The following RTN4 variants were observed in gnomAD, a reference collection of about 807,000 sequenced individuals.
RTN4 encodes the protein reticulon 4, also known as reticulon-4.
In RTN4, 32 loss-of-function variants were observed where a neutral mutation model predicts 90.4. The observed-to-expected ratio is 0.35, with a 90% CI of 0.27 to 0.48. The LOEUF (loss-of-function observed/expected upper bound fraction) is 0.48. RTN4 is among the 20% of genes least tolerant of loss of function. RTN4 has a pLI of 0.99. For missense variants in RTN4, 1,706 were observed against 1,430.2 expected (o/e 1.19, Z -3.11); for synonymous variants, 629 against 552.5 (o/e 1.14, Z -1.94).
chr2:55,124,014 G>T, the RTN4 span, among the ~76,000 whole-genome samples: 2 of 152,146 alleles, frequency 1.3e-5, no homozygotes, highest in South Asian at 4.1e-4. Context: ...TATTGTACTG[G>T]CCCACAGCTG....
chr2:55,102,902 TG>T (rs1443192903), intron 1 of RTN4, among the ~76,000 whole-genome samples: 1 of 151,990 alleles, frequency 6.6e-6, no homozygotes, highest in East Asian at 1.9e-4. Context: ...GCGGATCACC[TG>T]AGGTCGGGAG....
chr2:54,983,306 A>T (rs1044508356), intron 4 of RTN4, among the ~76,000 whole-genome samples: 7 of 146,594 alleles, frequency 4.8e-5, no homozygotes, highest in Non-Finnish European at 8.9e-5. Context: ...GTTAAATTTA[A>T]AAGTATTGTA....
chr2:55,066,642 C>G (rs1322774204), intron 2 of RTN4, among the ~76,000 whole-genome samples: 1 of 151,900 alleles, frequency 6.6e-6, no homozygotes, highest in East Asian at 1.9e-4. Flanking sequence ...TGCAGTGAGC[C>G]AAGATCGTGC....
At position 55,070,998 on chromosome 2, in the gene RTN4, A is replaced by C. The variant is rs924738084; in HGVS notation, c.-63+9491T>G. Among the ~76,000 whole-genome samples the C allele has an allele frequency of 2.7e-5, 4 of 150,708 alleles. No homozygotes were observed. The South Asian group carries it at 6.3e-4, about 24-fold the overall frequency. On this transcript the variant is annotated intron_variant, in intron 2 of 3. Coordinates refer to the RTN4 transcript ENST00000427710. ...TCACTGTGTTAGCCAGGATGGTCTC[A>C]ATCTCCTGACCTCGTGATCTTCCCA...
At chr2:55,055,578 T>C (rs1435148458), upstream of RTN4, among the ~76,000 whole-genome samples, 2 of 151,950 alleles carry the variant, frequency 1.3e-5, no homozygotes, top group African/African-American at 4.8e-5. Flanking sequence ...TGATCCTGGC[T>C]AACATGGTGA....
At chr2:55,097,250 C>T (rs992559602) in intron 1 of RTN4, among the ~76,000 whole-genome samples, 7 of 149,610 alleles carry the variant, frequency 4.7e-5, no homozygotes, top group Non-Finnish European at 1.0e-4. Context: ...TGCAATGAGC[C>T]CTGATTGTGC....
At chr2:54,988,536 G>A (rs933178822) in intron 3 of RTN4, among the ~76,000 whole-genome samples, 1 of 151,892 alleles carries the variant, frequency 6.6e-6, no homozygotes, top group East Asian at 1.9e-4. Flanking sequence ...ATTTTTTTGT[G>A]CTAGTAATAA....
At chr2:55,119,634 T>G in the RTN4 span, among the ~76,000 whole-genome samples, 2 of 152,220 alleles carry the variant, frequency 1.3e-5, no homozygotes, top group Non-Finnish European at 2.9e-5. Flanking sequence ...GAATCTCGCT[T>G]AGCCATAGTG....
chr2:55,019,173 T>C (rs1339493222), intron 3 of RTN4, among the ~76,000 whole-genome samples: 1 of 152,224 alleles, frequency 6.6e-6, no homozygotes, highest in Non-Finnish European at 1.5e-5. Flanking sequence ...TCCATACTGA[T>C]AATTAATTAG....
intron 5 of RTN4, 129 bp from the exon 6 acceptor site, chr2:54,974,893 C>T (rs920199144): frequency 7.3e-6 from 5 of 683,644 alleles, no homozygotes; most frequent in Non-Finnish European, 1.3e-5. Context: ...GGTAAAGTAC[C>T]ATGAGCAGTT....
intron 1 of RTN4, among the ~76,000 whole-genome samples, chr2:55,102,475 T>C (rs1667868895): frequency 6.6e-6 from 1 of 152,192 alleles, no homozygotes; most frequent in African/African-American, 2.4e-5. Flanking sequence ...AAACTTTATT[T>C]GTGGACGCTA....
intron 1 of RTN4, among the ~76,000 whole-genome samples, chr2:55,043,805 G>T (rs1683231164): frequency 6.6e-6 from 1 of 152,034 alleles, no homozygotes; most frequent in Admixed American, 6.6e-5. Context: ...AGAATTGCTG[G>T]AACCTAGGAG....
chr2:55,079,327 C>A (rs1243768166), intron 2 of RTN4, among the ~76,000 whole-genome samples: 2 of 152,144 alleles, frequency 1.3e-5, no homozygotes, highest in African/African-American at 4.8e-5. Context: ...AGTGTTATTT[C>A]TTCTACTTAT....
chr2:55,027,667 T>G (rs540926971), intron 2 of RTN4, among the ~76,000 whole-genome samples, 182 bp from the exon 3 acceptor site: 1 of 151,212 alleles, frequency 6.6e-6, no homozygotes, highest in Admixed American at 6.5e-5. Context: ...ATTAAGCTAT[T>G]GTAAATATAA....
intron 1 of RTN4, among the ~76,000 whole-genome samples, chr2:55,106,138 C>T (rs1242208672): frequency 1.3e-5 from 2 of 151,910 alleles, no homozygotes; most frequent in East Asian, 1.9e-4. Context: ...ATTTGGTATT[C>T]GGTTTGTTAT....
intron 2 of RTN4, among the ~76,000 whole-genome samples, chr2:55,066,738 C>T (rs1184487176): frequency 1.3e-5 from 2 of 150,818 alleles, no homozygotes; most frequent in Non-Finnish European, 3.0e-5. Context: ...ATAAAGCCTA[C>T]TTTACAAGGC....
At chr2:55,077,249 G>A (rs552913578) in intron 2 of RTN4, among the ~76,000 whole-genome samples, 16 of 151,816 alleles carry the variant, frequency 1.1e-4, no homozygotes, top group Admixed American at 2.6e-4. Flanking sequence ...TCCTGACCTC[G>A]TGATCCTCCT....
intron 3 of RTN4, among the ~76,000 whole-genome samples, chr2:55,022,929 A>ACACACACACACACACACACACACACACC (rs1174140956): frequency 6.7e-6 from 1 of 149,850 alleles, no homozygotes; most frequent in East Asian, 2.0e-4. Context: ...ACACACACAC[A>ACACACACACACACACACACACACACACC]CCCTGCTCTC....
intron 3 of RTN4, among the ~76,000 whole-genome samples, chr2:54,989,321 G>A (rs987129561): frequency 7.2e-5 from 11 of 152,104 alleles, no homozygotes; most frequent in Admixed American, 2.0e-4. Flanking sequence ...ATATGATTTC[G>A]AAGTTTGTTT....
Sources: allele counts gnomAD v4.1 joint callset (sites outside exome capture counted in the v4.1 genomes callset), GRCh38; gene constraint gnomAD v4.1.1; transcripts MANE v1.5; gene names NCBI Gene and HGNC (gene_info 2026-07-23, HGNC 2026-07-21).